CDC42BPB: variants seen among roughly 807,000 people sequenced by gnomAD.
CDC42BPB encodes the protein CDC42 binding protein kinase beta.
CDC42BPB carries 37 observed loss-of-function variants against 214.9 expected under a neutral mutation model. The ratio of observed to expected loss-of-function variants is 0.17; its 90% CI spans 0.13 to 0.23. The LOEUF is 0.23. Among genes scored for constraint, CDC42BPB ranks in the 10% least tolerant of loss-of-function variants. The pLI is 1.00. For synonymous variants in CDC42BPB, 931 were observed against 884.0 expected (o/e 1.05, Z -0.94); for missense variants, 1,694 against 2,227.0 (o/e 0.76, Z 4.82).
At chr14:103,053,927 A>G (rs1021530933) in intron 1 of CDC42BPB, among the ~76,000 whole-genome samples, 9 of 151,820 alleles carry the variant, frequency 5.9e-5, no homozygotes, top group African/African-American at 2.2e-4. Context: ...TGCAGCCTTG[A>G]CCTCCCAGGC....
rs1010584411 is a variant in CDC42BPB at position 102,972,214 on chromosome 14, G to A, written c.1642-53C>T. The A allele has an allele frequency of 1.9e-6, 3 of 1,594,666 alleles. No individual in the cohort carries two copies. In the Admixed American group the frequency reaches 5.1e-5, roughly 27 times the overall value. ...ACGTTTGCCTAACAAAGGCTTGGAA[G>A]GCTGGAGGTTCGGTCTTCCATGATA... On this transcript the variant is annotated intron_variant, in intron 12 of 36. Transcript: ENST00000361246.
At chr14:102,996,445 CAA>C (rs1318143367) in intron 5 of CDC42BPB, among the ~76,000 whole-genome samples, 2 of 152,104 alleles carry the variant, frequency 1.3e-5, no homozygotes, top group Admixed American at 1.3e-4. Flanking sequence ...GTGATAAATA[CAA>C]AGACATTTAT....
In CDC42BPB at chr14:103,030,652, C is replaced by T. The variant is rs909652268; in HGVS notation, c.176-18464G>A. 8.5e-5 allele frequency among the ~76,000 whole-genome samples: 13 copies of T among 152,192 alleles called. No homozygotes were observed. In the East Asian group the frequency reaches 9.7e-4, roughly 11 times the overall value. On this transcript the variant is annotated intron_variant, in intron 1 of 36. Coordinates refer to ENST00000361246, the MANE Select transcript of CDC42BPB (RefSeq NM_006035.4). The stretch of plus-strand genomic sequence containing the variant: ...TGGAGGTTGCAGTGAGCCCAGATCC[C>T]ATCACTGCACTCCAGCCTGGGTGAC...
chr14:103,029,386 C>CA (rs1377188408), intron 1 of CDC42BPB, among the ~76,000 whole-genome samples: 3 of 150,150 alleles, frequency 2.0e-5, no homozygotes, highest in Admixed American at 1.3e-4. Flanking sequence ...CTAAAAAATA[C>CA]AAAAAAATTA....
intron 1 of CDC42BPB, among the ~76,000 whole-genome samples, chr14:103,026,142 A>C (rs1274751844): frequency 6.6e-6 from 1 of 152,176 alleles, no homozygotes; most frequent in Non-Finnish European, 1.5e-5. Flanking sequence ...TCACACCTAT[A>C]ATCCCAGCAC....
intron 1 of CDC42BPB, among the ~76,000 whole-genome samples, chr14:103,014,813 T>C (rs1291201468): frequency 2.0e-5 from 3 of 152,144 alleles, no homozygotes; most frequent in African/African-American, 7.2e-5. Context: ...AAGAAAACCC[T>C]TGAGCTGCAC....
rs186810526 is a variant in CDC42BPB, at chr14:102,947,077, G to A, written c.3532-393C>T. Among the ~76,000 whole-genome samples, 157 of 152,320 alleles carry A rather than the reference G, an allele frequency of 1.0e-3. 1 individual carries two copies. The highest frequency in any genetic ancestry group is 3.7e-3 in the African/African-American group (152 of 41,576). On this transcript the variant is annotated intron_variant, in intron 27 of 36. Transcript: ENST00000361246. ...CTCCCTGTGAGCAGCCTCTGAGCAC[G>A]CATGCTACCAAATGACCATCGTTCC...
At chr14:102,998,406 G>T (rs1894836023) in intron 5 of CDC42BPB, among the ~76,000 whole-genome samples, 1 of 152,208 alleles carries the variant, frequency 6.6e-6, no homozygotes, top group Admixed American at 6.5e-5. Flanking sequence ...CCAGGGCTGG[G>T]CTTGGTTTTG....
Position 102,964,747 on chromosome 14 carries a change from T to C in CDC42BPB, c.2578-97A>G. The C allele has an allele frequency of 2.8e-6, 4 of 1,429,430 alleles. No individual in the cohort carries two copies. The South Asian group carries it at 6.2e-5, about 22-fold the overall frequency. The allele number at this position is 1,429,430 out of a possible 1,614,324, so 88.5% of individuals were successfully genotyped here. A position where few individuals can be genotyped will look rare whatever the true frequency, so the allele number is the denominator to read the frequency against. On this transcript the variant is annotated intron_variant, in intron 18 of 36. Coordinates refer to ENST00000361246, the MANE Select transcript of CDC42BPB (RefSeq NM_006035.4). ...GTTATCTTTGTCTAACCTTAAGCCA[T>C]TACGGTCTCATTTAGATATTAACTC...
chr14:102,987,788 AACACACACACACACACAC>A (rs57579935), intron 5 of CDC42BPB, among the ~76,000 whole-genome samples: 1 of 140,760 alleles, frequency 7.1e-6, no homozygotes, highest in African/African-American at 2.7e-5. Context: ...CAAACACACA[AACACACACACACACACAC>A]ACACACACAC....
chr14:102,993,678 T>C (rs1273339200), intron 5 of CDC42BPB, among the ~76,000 whole-genome samples: 3 of 152,270 alleles, frequency 2.0e-5, no homozygotes, highest in African/African-American at 7.2e-5. Flanking sequence ...CTTTTCACCA[T>C]GGCTTCCTGC....
intron 5 of CDC42BPB, among the ~76,000 whole-genome samples, chr14:102,987,108 C>A (rs963128037): frequency 6.6e-6 from 1 of 152,202 alleles, no homozygotes; most frequent in African/African-American, 2.4e-5. Context: ...AGTGGCCAGA[C>A]GAGGTCCAGG....
chr14:102,973,953 C>A, intron 12 of CDC42BPB, 63 bp downstream of exon 12: 1 of 1,537,310 alleles, frequency 6.5e-7, no homozygotes, highest in Non-Finnish European at 8.8e-7. Flanking sequence ...TCGGCATGAA[C>A]GTGACCTTAC....
chr14:103,040,397 A>G (rs1887922852), intron 1 of CDC42BPB, among the ~76,000 whole-genome samples: 1 of 152,104 alleles, frequency 6.6e-6, no homozygotes, highest in South Asian at 2.1e-4. Flanking sequence ...TTTTTACCCC[A>G]ATTAAAAAGA....
rs569036151 is a variant in CDC42BPB, at chr14:102,999,656, C to T, written c.505G>A (p.Glu169Lys). 1 of 1,614,172 alleles carries T rather than the reference C, an allele frequency of 6.2e-7. No individual in the cohort carries two copies. Among genetic ancestry groups the T allele is most frequent in the African/African-American group, 1.3e-5 (1 of 75,046 alleles). The change falls in exon 5 of 37, where the codon GAA (glutamate) becomes AAA (lysine). Residue 169 changes from glutamate (E) to lysine (K), a missense_variant. Glu to Lys is a moderately conservative substitution (Grantham distance 56). Coordinates refer to ENST00000361246, the MANE Select transcript of CDC42BPB (RefSeq NM_006035.4). Reference protein sequence around the residue: ...GDLLTLLSKFEDKLPEDMARF... With the variant: ...GDLLTLLSKFKDKLPEDMARF... Reference sequence around the variant, plus strand: ...GCCATATCTTCCGGAAGCTTGTCTTCAAATTTGCTGAGCAGGGTCAGTAAA... The same window carrying T: ...GCCATATCTTCCGGAAGCTTGTCTTTAAATTTGCTGAGCAGGGTCAGTAAA...
At chr14:103,021,765 G>C (rs372145624) in intron 1 of CDC42BPB, among the ~76,000 whole-genome samples, 1 of 152,188 alleles carries the variant, frequency 6.6e-6, no homozygotes, top group East Asian at 1.9e-4. Flanking sequence ...CCTGAGGAGC[G>C]GGGTGGGCCA....
intron 36 of CDC42BPB, among the ~76,000 whole-genome samples, chr14:102,935,397 G>A (rs554912951): frequency 4.6e-5 from 7 of 152,208 alleles, no homozygotes; most frequent in African/African-American, 1.4e-4. Flanking sequence ...AACCAGAGAA[G>A]GGAAAAATGT....
intron 35 of CDC42BPB, 46 bp downstream of exon 35, chr14:102,938,260 A>AC (rs1210140597): frequency 1.3e-6 from 2 of 1,596,160 alleles, no homozygotes; most frequent in Non-Finnish European, 1.7e-6. Flanking sequence ...AGCACCCCCT[A>AC]CCCCCCACCT....
chr14:102,978,270 GATGGTTACAGTC>G (rs1439685871), intron 8 of CDC42BPB, 65 bp from the exon 9 acceptor site: 3 of 1,600,582 alleles, frequency 1.9e-6, no homozygotes, highest in Non-Finnish European at 2.6e-6. Flanking sequence ...AAAGAGGAAA[GATGGTTACAGTC>G]ATGGTGACAG....
Sources: gnomAD v4.1 joint callset for allele counts (sites outside exome capture counted in the v4.1 genomes callset) on GRCh38, gnomAD v4.1.1 for gene constraint, MANE v1.5 for transcripts, NCBI Gene and HGNC (gene_info 2026-07-23, HGNC 2026-07-21) for gene names.